Variants in PKP4 observed in about 807,000 individuals in gnomAD.
PKP4 encodes the protein plakophilin-4.
PKP4 carries 90 observed loss-of-function variants against 145.1 expected under a neutral mutation model. That is an observed-to-expected ratio of 0.62 (90% CI 0.52 to 0.74). The LOEUF (loss-of-function observed/expected upper bound fraction) is 0.74. Ranked by LOEUF, PKP4 falls within the 30% of genes least tolerant of loss-of-function variation. The probability of loss-of-function intolerance (pLI) is 0.00; values close to 1 mark genes in which losing one functional copy is unlikely to be tolerated. For synonymous variants in PKP4, 563 were observed against 577.2 expected, an observed-to-expected ratio of 0.98 and a Z score of 0.35; for missense variants, 1,340 against 1,482.7, an observed-to-expected ratio of 0.90 and a Z score of 1.58.
At chr2:158,483,084 G>A (rs147439544) in intron 1 of PKP4, among the ~76,000 whole-genome samples, 88 of 152,210 alleles carry the variant, frequency 5.8e-4, no homozygotes, top group African/African-American at 2.0e-3. Flanking sequence ...GCAGTTAGCT[G>A]TCTGTTCATT....
intron 16 of PKP4, chr2:158,666,809 C>A: frequency 2.7e-6 from 1 of 377,114 alleles, no homozygotes; most frequent in East Asian, 4.8e-5. Context: ...TTAGTTGTAC[C>A]TTACAACACT....
At chr2:158,632,008 G>C in intron 8 of PKP4, 67 bp downstream of exon 8, 1 of 1,424,096 alleles carries the variant, frequency 7.0e-7, no homozygotes, top group Admixed American at 1.8e-5. Flanking sequence ...GTTTTATTGA[G>C]ATTGGGTTCC....
intron 1 of PKP4, among the ~76,000 whole-genome samples, chr2:158,483,914 T>C (rs1489033606): frequency 6.6e-6 from 1 of 152,228 alleles, no homozygotes; most frequent in African/African-American, 2.4e-5. Context: ...CACGGTCAGC[T>C]GAGTTGATTT....
At chr2:158,492,766 A>C (rs1695132252) in intron 1 of PKP4, among the ~76,000 whole-genome samples, 1 of 152,058 alleles carries the variant, frequency 6.6e-6, no homozygotes, top group Non-Finnish European at 1.5e-5. Flanking sequence ...TAACATTACT[A>C]TTTTCTTCTT....
At chr2:158,649,979 C>G (rs1320475988) in intron 11 of PKP4, among the ~76,000 whole-genome samples, 3 of 152,196 alleles carry the variant, frequency 2.0e-5, no homozygotes, top group African/African-American at 7.2e-5. Flanking sequence ...AAGTGTGTTC[C>G]TGGAACATGT....
intron 4 of PKP4, among the ~76,000 whole-genome samples, chr2:158,613,846 A>G (rs1265740595): frequency 6.6e-6 from 1 of 152,218 alleles, no homozygotes; most frequent in Non-Finnish European, 1.5e-5. Flanking sequence ...TAGTGTATTT[A>G]GAGGAATAAG....
intron 1 of PKP4, among the ~76,000 whole-genome samples, chr2:158,483,663 T>G (rs758418622): frequency 1.1e-4 from 17 of 152,176 alleles, no homozygotes; most frequent in East Asian, 1.9e-4. Flanking sequence ...TAATGCCATT[T>G]TGAAACTTTT....
chr2:158,666,455 C>T lies in PKP4; in HGVS notation c.2620C>T (p.Leu874Phe), dbSNP rs760001540. Residue 874 changes from leucine (L) to phenylalanine (F), a missense_variant, in exon 16 of 22, where the codon CTC (leucine) becomes TTC (phenylalanine). Transcript: ENST00000389759. ...IRAAVRKEKG[L>F]PILVELLRMD... ...GGCGGCCGTCCGAAAAGAAAAGGGG[C>T]TCCCCATCCTTGTGGAGCTTCTGAG... 20 of 1,610,340 alleles carry T rather than the reference C, an allele frequency of 1.2e-5. No individual in the cohort carries two copies. Among genetic ancestry groups the T allele is most frequent in the Non-Finnish European group, 8.5e-7 (1 of 1,178,986 alleles).
intron 1 of PKP4, among the ~76,000 whole-genome samples, chr2:158,522,373 G>A (rs2042453925): frequency 6.6e-6 from 1 of 152,148 alleles, no homozygotes; most frequent in Non-Finnish European, 1.5e-5. Context: ...TCATACTAGA[G>A]TATATGTGGT....
chr2:158,503,212 A>G (rs1696844466), intron 1 of PKP4, among the ~76,000 whole-genome samples: 1 of 152,222 alleles, frequency 6.6e-6, no homozygotes, highest in South Asian at 2.1e-4. Flanking sequence ...TATTTCATAG[A>G]TGCATATCAA....
chr2:158,526,152 G>C (rs976422963), intron 1 of PKP4, among the ~76,000 whole-genome samples: 1 of 143,806 alleles, frequency 7.0e-6, no homozygotes, highest in East Asian at 2.1e-4. Context: ...GCATCATTCT[G>C]ATACCAAAGC....
At chr2:158,481,967 G>A (rs1223267252) in intron 1 of PKP4, among the ~76,000 whole-genome samples, 1 of 152,176 alleles carries the variant, frequency 6.6e-6, no homozygotes, top group Non-Finnish European at 1.5e-5. Flanking sequence ...TGTAATGTTA[G>A]TGATATTTTA....
intron 1 of PKP4, among the ~76,000 whole-genome samples, chr2:158,503,663 C>G (rs1052629493): frequency 2.0e-5 from 3 of 152,166 alleles, no homozygotes; most frequent in Admixed American, 6.5e-5. Context: ...AGCAGCTGAG[C>G]AAAGTTTGTA....
chr2:158,567,448 A>G (rs555115120), intron 2 of PKP4, among the ~76,000 whole-genome samples: 1 of 152,300 alleles, frequency 6.6e-6, no homozygotes, highest in South Asian at 2.1e-4. Flanking sequence ...TTTTATAAGT[A>G]GTTTTATGGG....
intron 1 of PKP4, among the ~76,000 whole-genome samples, chr2:158,483,105 TA>T (rs896722751): frequency 6.6e-6 from 1 of 152,138 alleles, no homozygotes; most frequent in African/African-American, 2.4e-5. Context: ...AGTGTGTCCT[TA>T]AAAAAATCAG....
chr2:158,529,646 A>G (rs572274383), intron 1 of PKP4, among the ~76,000 whole-genome samples: 16 of 152,342 alleles, frequency 1.1e-4, no homozygotes, highest in Non-Finnish European at 1.9e-4. Flanking sequence ...TCAACACAGC[A>G]TAAGATCACT....
chr2:158,553,530 A>G (rs2045812686), intron 2 of PKP4, among the ~76,000 whole-genome samples: 1 of 152,226 alleles, frequency 6.6e-6, no homozygotes. Flanking sequence ...AGACTTCCCA[A>G]ACTGTACAGG....
chr2:158,622,270 C>A (rs2052335965), intron 6 of PKP4, among the ~76,000 whole-genome samples: 1 of 151,994 alleles, frequency 6.6e-6, no homozygotes, highest in African/African-American at 2.4e-5. Context: ...AGAAACATAT[C>A]CATTCTGTTA....
intron 2 of PKP4, among the ~76,000 whole-genome samples, chr2:158,545,479 AATACTTTTG>A (rs2044934828): frequency 6.6e-6 from 1 of 152,206 alleles, no homozygotes; most frequent in African/African-American, 2.4e-5. Flanking sequence ...TCATGAGCCT[AATACTTTTG>A]ATAGAGCATA....
Sources: allele counts gnomAD v4.1 joint callset (sites outside exome capture counted in the v4.1 genomes callset), GRCh38; gene constraint gnomAD v4.1.1; transcripts MANE v1.5; gene names NCBI Gene and HGNC (gene_info 2026-07-23, HGNC 2026-07-21).